ROBO1: variants seen among roughly 807,000 people sequenced by gnomAD.
ROBO1 encodes roundabout guidance receptor 1, also known as roundabout homolog 1.
Under a neutral mutation model 195.9 loss-of-function variants are expected in ROBO1, and 149 were observed. That is an observed-to-expected ratio of 0.76 (90% confidence interval 0.67 to 0.87). ROBO1 has a LOEUF of 0.87. Among genes scored for constraint, ROBO1 ranks in the 40% least tolerant of loss-of-function variants. ROBO1 has a pLI of 0.00. For synonymous variants in ROBO1, 816 were observed against 733.2 expected, an observed-to-expected ratio of 1.11 and a Z score of -1.82; for missense variants, 1,933 against 2,068.3, an observed-to-expected ratio of 0.93 and a Z score of 1.27.
At chr3:79,390,702 T>C (rs1662593446) in intron 2 of ROBO1, among the ~76,000 whole-genome samples, 5 of 151,482 alleles carry the variant, frequency 3.3e-5, no homozygotes, top group Admixed American at 3.3e-4. Context: ...CAGAGGGAAA[T>C]GGTGAAGGGA....
At chr3:79,224,849 G>C (rs1044294589) in intron 2 of ROBO1, among the ~76,000 whole-genome samples, 4 of 152,066 alleles carry the variant, frequency 2.6e-5, no homozygotes, top group African/African-American at 9.7e-5. Flanking sequence ...CTGCCCTCTA[G>C]GTCCTCAAAT....
At chr3:79,090,715 C>T (rs1210873622) in intron 3 of ROBO1, among the ~76,000 whole-genome samples, 1 of 152,038 alleles carries the variant, frequency 6.6e-6, no homozygotes, top group Non-Finnish European at 1.5e-5. Flanking sequence ...GTGTATAATA[C>T]CTAGTTCACA....
chr3:79,644,461 G>T (rs1231949192), intron 1 of ROBO1, among the ~76,000 whole-genome samples: 1 of 152,268 alleles, frequency 6.6e-6, no homozygotes, highest in Non-Finnish European at 1.5e-5. Context: ...TCACAATGAT[G>T]GCAGAAGGCA....
rs1938269681 is a variant in ROBO1, at chr3:79,471,537, G to T, written c.88+118287C>A. Among the ~76,000 whole-genome samples, 2 of 151,982 alleles carry T rather than the reference G, an allele frequency of 1.3e-5. 1 individual carries two copies. The highest frequency in any genetic ancestry group is 4.2e-4 in the South Asian group (2 of 4,810). Reference sequence around the variant, plus strand: ...ATTATCATATAAGTTTGCATTAGTGGTGCTTTGTTAAAGGAACAAACTGGA... The same window carrying T: ...ATTATCATATAAGTTTGCATTAGTGTTGCTTTGTTAAAGGAACAAACTGGA... On this transcript the variant is annotated intron_variant, in intron 2 of 30. Transcript: ENST00000464233.
chr3:78,782,959 G>T (rs550501707), intron 4 of ROBO1, among the ~76,000 whole-genome samples: 1 of 152,262 alleles, frequency 6.6e-6, no homozygotes, highest in African/African-American at 2.4e-5. Flanking sequence ...AATAGTTATT[G>T]ATTTCTATGT....
chr3:79,761,492 G>A (rs767208340), intron 1 of ROBO1, among the ~76,000 whole-genome samples: 39 of 152,102 alleles, frequency 2.6e-4, no homozygotes, highest in Non-Finnish European at 5.4e-4. Context: ...CTTAACCTGG[G>A]TGGTAATTCA....
intron 2 of ROBO1, among the ~76,000 whole-genome samples, chr3:79,508,371 A>G (rs1372162512): frequency 6.6e-6 from 1 of 151,956 alleles, no homozygotes; most frequent in Non-Finnish European, 1.5e-5. Flanking sequence ...CAGAGAAGAA[A>G]CCAATCCTGC....
In ROBO1 at chr3:78,747,951, C is replaced by T. The variant is rs537850923; in HGVS notation, c.500-1051G>A. Among the ~76,000 whole-genome samples, 147 of 152,186 alleles carry T rather than the reference C, an allele frequency of 9.7e-4. 1 individual carries two copies. The highest frequency in any genetic ancestry group is 3.3e-3 in the African/African-American group (137 of 41,518). ...ATAACTATTTAATACTTTTGCTTCC[C>T]TTTTCACAAAAGAGGGATGAACATA... On this transcript the variant is annotated intron_variant, in intron 4 of 30. Coordinates refer to ENST00000464233, the MANE Select transcript of ROBO1 (RefSeq NM_002941.4).
chr3:79,114,599 C>T (rs965542987), intron 3 of ROBO1, among the ~76,000 whole-genome samples: 6 of 152,208 alleles, frequency 3.9e-5, no homozygotes, highest in Admixed American at 1.3e-4. Context: ...TATAAGGCAT[C>T]GACATTTCCA....
At chr3:79,129,206 T>C (rs901603097) in intron 2 of ROBO1, among the ~76,000 whole-genome samples, 11 of 152,168 alleles carry the variant, frequency 7.2e-5, no homozygotes, top group African/African-American at 2.7e-4. Context: ...ATGTTACATA[T>C]TTTACATAAA....
rs1391278215 is a variant in ROBO1, at chr3:78,711,399, CT to C, written c.1045+2997del. ...CCTTCCTTCCTTCCTTCCTTCCTTC[CT>C]TTCTTTCTTTCTTTCTTTCTTTCTT... On this transcript the variant is annotated intron_variant, in intron 8 of 30. Transcript: ENST00000464233. Among the ~76,000 whole-genome samples the C allele has an allele frequency of 8.9e-3, 397 of 44,718 alleles. 2 individuals are homozygous for C. The highest frequency in any genetic ancestry group is 0.013 in the Middle Eastern group (1 of 78). The allele number at this position is 44,718 out of a possible 152,430, so 29.3% of individuals were successfully genotyped here.
chr3:79,306,547 G>A (rs146771946), intron 2 of ROBO1, among the ~76,000 whole-genome samples: 2,546 of 152,216 alleles, frequency 0.017, 66 homozygotes, highest in African/African-American at 0.056. Context: ...GCCCCTTAGC[G>A]TACCTGGGGC....
chr3:78,727,409 A>T (rs904239100), intron 5 of ROBO1, among the ~76,000 whole-genome samples: 1 of 152,022 alleles, frequency 6.6e-6, no homozygotes, highest in Non-Finnish European at 1.5e-5. Context: ...GGCGGATCAC[A>T]AGGTCAGGAG....
intron 2 of ROBO1, among the ~76,000 whole-genome samples, chr3:79,453,336 C>G (rs1469800358): frequency 6.6e-6 from 1 of 152,058 alleles, no homozygotes; most frequent in Non-Finnish European, 1.5e-5. Flanking sequence ...GCCCTTCTTC[C>G]ATTTTCCTTA....
chr3:78,694,758 G>C (rs968978927), intron 8 of ROBO1, among the ~76,000 whole-genome samples: 1 of 152,116 alleles, frequency 6.6e-6, no homozygotes, highest in African/African-American at 2.4e-5. Context: ...CTACAAAAGA[G>C]AGGACCTGAC....
chr3:78,785,322 TC>T, intron 4 of ROBO1, among the ~76,000 whole-genome samples: 2 of 152,272 alleles, frequency 1.3e-5, no homozygotes, highest in South Asian at 4.1e-4. Context: ...TTTGAAAACT[TC>T]AGTGCAGTGG....
chr3:78,831,094 G>A (rs1408938092), intron 4 of ROBO1, among the ~76,000 whole-genome samples: 4 of 151,818 alleles, frequency 2.6e-5, no homozygotes, highest in East Asian at 1.9e-4. Flanking sequence ...TCTATTTTTA[G>A]TAGAGACGGG....
At chr3:78,733,554 A>AT (rs1248156980) in intron 5 of ROBO1, among the ~76,000 whole-genome samples, 12 of 152,222 alleles carry the variant, frequency 7.9e-5, no homozygotes, top group African/African-American at 1.9e-4. Flanking sequence ...ATATTTAAAT[A>AT]TTTTTTCCAA....
intron 4 of ROBO1, among the ~76,000 whole-genome samples, chr3:78,771,073 A>AAT (rs1451860168): frequency 6.6e-6 from 1 of 152,168 alleles, no homozygotes; most frequent in East Asian, 1.9e-4. Flanking sequence ...TATCAAAAAA[A>AAT]AAAAATCTGT....
Sources: gnomAD v4.1 joint callset for allele counts (sites outside exome capture counted in the v4.1 genomes callset) on GRCh38, gnomAD v4.1.1 for gene constraint, MANE v1.5 for transcripts, NCBI Gene and HGNC (gene_info 2026-07-23, HGNC 2026-07-21) for gene names.